Variants in DST observed in about 807,000 individuals in gnomAD.
DST encodes the protein dystonin, also known as bullous pemphigoid antigen.
In DST, 253 loss-of-function variants were observed where a neutral mutation model predicts 875.2. The observed-to-expected ratio is 0.29, with a 90% CI of 0.26 to 0.32. The LOEUF (loss-of-function observed/expected upper bound fraction) is 0.32, where lower values mean the gene tolerates loss of function less well. Ranked by LOEUF, DST falls within the 10% of genes least tolerant of loss-of-function variation. The pLI, the probability that DST is intolerant of heterozygous loss-of-function variation, is 1.00. For missense variants in DST, 8,287 were observed against 9,111.6 expected (o/e 0.91, Z 3.68); for synonymous variants, 3,124 against 3,197.1 (o/e 0.98, Z 0.77).
At chr6:56,739,883 G>A (rs1413478347) in intron 4 of DST, among the ~76,000 whole-genome samples, 1 of 152,132 alleles carries the variant, frequency 6.6e-6, no homozygotes, top group Non-Finnish European at 1.5e-5. Context: ...TGAGCAACCA[G>A]CAGCCCTCAG....
intron 2 of DST, among the ~76,000 whole-genome samples, chr6:56,945,116 G>T (rs937455828): frequency 6.6e-6 from 1 of 152,148 alleles, no homozygotes; most frequent in Non-Finnish European, 1.5e-5. Flanking sequence ...AGAAATCCCT[G>T]TTTATTAATA....
chr6:56,783,899 C>A (rs9717718), intron 4 of DST, among the ~76,000 whole-genome samples: 10 of 152,138 alleles, frequency 6.6e-5, no homozygotes, highest in East Asian at 5.8e-4. Flanking sequence ...TTCCTTCAGG[C>A]GCTCTTTTAG....
intron 49 of DST, among the ~76,000 whole-genome samples, chr6:56,583,109 C>A (rs1373550644): frequency 6.6e-6 from 1 of 152,032 alleles, no homozygotes; most frequent in Non-Finnish European, 1.5e-5. Flanking sequence ...GGGTATATAC[C>A]CAGTAATGGG....
chr6:56,811,713 T>A (rs905964373), intron 4 of DST, among the ~76,000 whole-genome samples: 2 of 152,186 alleles, frequency 1.3e-5, no homozygotes, highest in African/African-American at 4.8e-5. Flanking sequence ...CAATCTGATA[T>A]ATCAATGTCA....
At chr6:56,687,784 TAAA>T (rs55759800) in intron 9 of DST, among the ~76,000 whole-genome samples, 1 of 140,860 alleles carries the variant, frequency 7.1e-6, no homozygotes, top group Admixed American at 7.2e-5. Flanking sequence ...GCTTCCAAGT[TAAA>T]AAAAAAAAAA....
chr6:56,824,186 T>C (rs1157701614), intron 4 of DST, among the ~76,000 whole-genome samples: 1 of 152,156 alleles, frequency 6.6e-6, no homozygotes, highest in Non-Finnish European at 1.5e-5. Flanking sequence ...TTTTCGTATT[T>C]TTTTGGTGGA....
At chr6:56,662,566 G>A (rs1345847320) in intron 10 of DST, among the ~76,000 whole-genome samples, 3 of 152,178 alleles carry the variant, frequency 2.0e-5, no homozygotes, top group South Asian at 2.1e-4. Flanking sequence ...TCTTCCTACC[G>A]TGGCTGTGTC....
chr6:56,718,780 T>C (rs1421808951), intron 5 of DST, among the ~76,000 whole-genome samples: 1 of 152,138 alleles, frequency 6.6e-6, no homozygotes, highest in Non-Finnish European at 1.5e-5. Flanking sequence ...CTCAAAAATA[T>C]TATGCTAACT....
At chr6:56,896,206 T>G (rs1562322689) in intron 3 of DST, among the ~76,000 whole-genome samples, 1 of 151,548 alleles carries the variant, frequency 6.6e-6, no homozygotes, top group East Asian at 1.9e-4. Flanking sequence ...CTGATATGGT[T>G]TGGCTGTGTC....
chr6:56,670,239 AT>A (rs2152827676), intron 10 of DST, among the ~76,000 whole-genome samples: 1 of 139,980 alleles, frequency 7.1e-6, no homozygotes, highest in African/African-American at 2.7e-5. Flanking sequence ...TTTTTTTTTT[AT>A]TTTCTTAAGC....
At chr6:56,866,574 C>T (rs1774221490) in intron 3 of DST, among the ~76,000 whole-genome samples, 1 of 152,190 alleles carries the variant, frequency 6.6e-6, no homozygotes, top group Admixed American at 6.5e-5. Flanking sequence ...CAAATGTCAA[C>T]CTTTTAAAGA....
At chr6:56,591,556 G>GA (rs1374596732) in intron 49 of DST, among the ~76,000 whole-genome samples, 4 of 152,034 alleles carry the variant, frequency 2.6e-5, no homozygotes, top group Non-Finnish European at 4.4e-5. Flanking sequence ...TCTAATGGAG[G>GA]AAAAAACAGT....
chr6:56,701,217 G>C (rs17684511), intron 8 of DST, among the ~76,000 whole-genome samples: 22,304 of 151,118 alleles, frequency 0.15, 2,128 homozygotes, highest in Non-Finnish European at 0.22. Context: ...CAATAATTTT[G>C]AACTCTCCTG....
At chr6:56,780,769 G>T (rs1200878828) in intron 4 of DST, among the ~76,000 whole-genome samples, 119 of 151,254 alleles carry the variant, frequency 7.9e-4, no homozygotes, top group African/African-American at 2.8e-3. Context: ...TGTTGCCATT[G>T]CTTTTGGTGT....
intron 47 of DST, 127 bp downstream of exon 47, chr6:56,597,613 C>T (rs2098403861): frequency 3.5e-6 from 3 of 864,676 alleles, no homozygotes; most frequent in Non-Finnish European, 5.2e-6. Context: ...TTATATCTGA[C>T]ATGATGAACA....
intron 90 of DST, among the ~76,000 whole-genome samples, chr6:56,478,982 A>G (rs573541646): frequency 6.6e-6 from 1 of 152,234 alleles, no homozygotes; most frequent in Non-Finnish European, 1.5e-5. Context: ...GTAAACAGTT[A>G]ACCTACAGAA....
chr6:56,525,117 A>C (rs574533622), intron 69 of DST, among the ~76,000 whole-genome samples: 27 of 152,282 alleles, frequency 1.8e-4, no homozygotes, highest in Non-Finnish European at 3.7e-4. Context: ...ACTTTACTGA[A>C]CCAGCCAACC....
chr6:56,881,850 T>G (rs1782373484), intron 3 of DST, among the ~76,000 whole-genome samples: 2 of 152,130 alleles, frequency 1.3e-5, no homozygotes, highest in Non-Finnish European at 2.9e-5. Context: ...CTCATTCACA[T>G]TTTATTAAAT....
intron 4 of DST, chr6:56,742,301 C>A (rs1334420716): frequency 7.8e-7 from 1 of 1,289,728 alleles, no homozygotes; most frequent in Non-Finnish European, 1.0e-6. Context: ...ACCAGCTTTG[C>A]GTTCCAATCT....
Sources: gnomAD v4.1 joint callset for allele counts (sites outside exome capture counted in the v4.1 genomes callset) on GRCh38, gnomAD v4.1.1 for gene constraint, MANE v1.5 for transcripts, NCBI Gene and HGNC (gene_info 2026-07-23, HGNC 2026-07-21) for gene names.